The following ELMO1 variants were observed in gnomAD, a reference collection of about 807,000 sequenced individuals.
The protein encoded by ELMO1 is engulfment and cell motility protein 1.
Under a neutral mutation model 98.9 loss-of-function variants are expected in ELMO1, and 26 were observed. The ratio of observed to expected loss-of-function variants is 0.26; its 90% confidence interval spans 0.19 to 0.36. ELMO1 has a LOEUF of 0.36. ELMO1 is among the 10% of genes least tolerant of loss of function. The pLI, the probability that ELMO1 is intolerant of heterozygous loss-of-function variation, is 1.00. For missense variants in ELMO1, 627 were observed against 935.2 expected (o/e 0.67, Z 4.30); for synonymous variants, 346 against 346.0 (o/e 1.00, Z 0.00).
intron 15 of ELMO1, among the ~76,000 whole-genome samples, chr7:37,018,630 C>G (rs1466433780): frequency 6.6e-6 from 1 of 151,992 alleles, no homozygotes; most frequent in African/African-American, 2.4e-5. Flanking sequence ...GTGCACGACA[C>G]CACGCCTGGC....
chr7:36,953,873 G>A (rs1014524242), intron 16 of ELMO1, among the ~76,000 whole-genome samples: 1 of 138,308 alleles, frequency 7.2e-6, no homozygotes, highest in African/African-American at 3.3e-5. Context: ...GTGTGTGTGT[G>A]TGTGTGTGTG....
At chr7:36,900,982 C>T (rs1458230191) in intron 16 of ELMO1, among the ~76,000 whole-genome samples, 1 of 152,106 alleles carries the variant, frequency 6.6e-6, no homozygotes, top group Non-Finnish European at 1.5e-5. Context: ...AGGATAATTT[C>T]CCAGAGGCCA....
At chr7:37,304,749 C>G (rs1366842709) in intron 4 of ELMO1, among the ~76,000 whole-genome samples, 2 of 152,062 alleles carry the variant, frequency 1.3e-5, no homozygotes, top group East Asian at 3.9e-4. Context: ...GTAAAACACT[C>G]TTGGTTCACG....
rs75035938 is a variant in ELMO1, at chr7:37,003,712, T to C, written c.1437+9587A>G. Among the ~76,000 whole-genome samples the C allele has an allele frequency of 2.2e-4, 34 of 152,370 alleles. No homozygotes were observed. The East Asian group carries it at 4.0e-3, about 18-fold the overall frequency. On this transcript the variant is annotated intron_variant, in intron 16 of 21. Transcript: ENST00000310758. ...TGAATATGCATGTTTTATGATTTAG[T>C]CATTAAATATATATTTTAACTACCA...
At chr7:37,223,492 C>A (rs1793709988) in intron 9 of ELMO1, among the ~76,000 whole-genome samples, 1 of 152,196 alleles carries the variant, frequency 6.6e-6, no homozygotes, top group Non-Finnish European at 1.5e-5. Context: ...GGGTTAGACA[C>A]ACTTATTTCA....
chr7:36,984,886 C>G, intron 16 of ELMO1: 1 of 985,044 alleles, frequency 1.0e-6, no homozygotes, highest in Non-Finnish European at 1.2e-6. Context: ...TCAGCCCCCA[C>G]TCTCTGCAAC....
At chr7:37,284,504 A>C (rs2130918968) in intron 4 of ELMO1, among the ~76,000 whole-genome samples, 1 of 152,198 alleles carries the variant, frequency 6.6e-6, no homozygotes, top group African/African-American at 2.4e-5. Flanking sequence ...GCAGGCTCCA[A>C]CCTTGACATC....
At chr7:37,236,689 A>C (rs1390731174) in intron 7 of ELMO1, among the ~76,000 whole-genome samples, 1 of 152,222 alleles carries the variant, frequency 6.6e-6, no homozygotes, top group African/African-American at 2.4e-5. Context: ...CATATGGAAG[A>C]ACTTTTTCCA....
intron 2 of ELMO1, among the ~76,000 whole-genome samples, chr7:37,335,611 C>T (rs945979741): frequency 2.0e-5 from 3 of 152,118 alleles, no homozygotes; most frequent in East Asian, 3.8e-4. Flanking sequence ...CCAAATCATA[C>T]GCAAATGAAA....
Position 36,933,639 on chromosome 7 carries a change from T to C in ELMO1, c.1438-38622A>G, listed in dbSNP as rs1378727788. On this transcript the variant is annotated intron_variant, in intron 16 of 21. Coordinates refer to ENST00000310758, the MANE Select transcript of ELMO1 (RefSeq NM_014800.11). ...TTCCTGCTAAGAGGCTCCGTCTCTG[T>C]GGGATGAAGGGCAACCCAGTGGGAT... Among the ~76,000 whole-genome samples the C allele has an allele frequency of 2.0e-5, 3 of 152,142 alleles. No homozygotes were observed. The East Asian group carries it at 5.8e-4, about 29-fold the overall frequency.
At position 37,067,380 on chromosome 7, in the gene ELMO1, G is replaced by A. The variant is rs368422134; in HGVS notation, c.1300+29239C>T. On this transcript the variant is annotated intron_variant, in intron 15 of 21. Transcript: ENST00000310758. ...GGTCTGTTGGTCAGCAGGGTACAGC[G>A]ATGAACAAAATATCTAAACGTATGT... Among the ~76,000 whole-genome samples the A allele has an allele frequency of 3.3e-5, 5 of 152,174 alleles. No individual in the cohort carries two copies. In the South Asian group the frequency reaches 8.3e-4, roughly 25 times the overall value.
chr7:37,224,393 A>C (rs554985244), intron 9 of ELMO1, among the ~76,000 whole-genome samples: 41 of 152,382 alleles, frequency 2.7e-4, no homozygotes, highest in Non-Finnish European at 2.5e-4. Context: ...TATAAAATAC[A>C]AAAGAAGAAG....
chr7:36,897,173 A>C (rs1806078627), intron 16 of ELMO1, among the ~76,000 whole-genome samples: 1 of 152,124 alleles, frequency 6.6e-6, no homozygotes. Context: ...GACCAATCAA[A>C]ATCCTTCCCC....
chr7:36,884,985 C>T (rs890184093), intron 18 of ELMO1, among the ~76,000 whole-genome samples: 2 of 152,070 alleles, frequency 1.3e-5, no homozygotes, highest in African/African-American at 2.4e-5. Flanking sequence ...GCGTCTTTCT[C>T]GAAGGGATTA....
intron 16 of ELMO1, among the ~76,000 whole-genome samples, chr7:36,964,982 C>A (rs921656497): frequency 4.6e-5 from 7 of 152,164 alleles, no homozygotes; most frequent in African/African-American, 1.7e-4. Flanking sequence ...ACTATCACCC[C>A]CCGCATCCCC....
intron 15 of ELMO1, among the ~76,000 whole-genome samples, chr7:37,078,491 TTTC>T (rs1178857071): frequency 6.6e-6 from 1 of 152,220 alleles, no homozygotes; most frequent in Non-Finnish European, 1.5e-5. Context: ...CTCAGTTAGG[TTTC>T]TTCCTCTACC....
At chr7:37,163,611 C>T (rs992096952) in intron 13 of ELMO1, among the ~76,000 whole-genome samples, 3 of 151,858 alleles carry the variant, frequency 2.0e-5, no homozygotes, top group South Asian at 2.1e-4. Context: ...TTTGTTCTTG[C>T]GATAGTTTAC....
intron 14 of ELMO1, among the ~76,000 whole-genome samples, chr7:37,109,309 C>T (rs934973366): frequency 2.6e-5 from 4 of 152,178 alleles, no homozygotes; most frequent in African/African-American, 9.7e-5. Context: ...TAAACATTTA[C>T]AGAACATTGG....
chr7:37,376,202 C>T (rs918365729), intron 1 of ELMO1, among the ~76,000 whole-genome samples: 2 of 152,202 alleles, frequency 1.3e-5, no homozygotes, highest in Admixed American at 1.3e-4. Context: ...CTAGTGCCCA[C>T]TGTTTTTAAA....
Sources: gnomAD v4.1 joint callset for allele counts (sites outside exome capture counted in the v4.1 genomes callset) on GRCh38, gnomAD v4.1.1 for gene constraint, MANE v1.5 for transcripts, NCBI Gene and HGNC (gene_info 2026-07-23, HGNC 2026-07-21) for gene names.